DLGAP4: variants seen among roughly 807,000 people sequenced by gnomAD.
The protein encoded by DLGAP4 is disks large-associated protein 4.
DLGAP4 carries 18 observed loss-of-function variants against 86.9 expected under a neutral mutation model. The ratio of observed to expected loss-of-function variants is 0.21; its 90% CI spans 0.14 to 0.31. The LOEUF (loss-of-function observed/expected upper bound fraction) is 0.31. Among genes scored for constraint, DLGAP4 ranks in the 10% least tolerant of loss-of-function variants. The probability of loss-of-function intolerance (pLI) is 1.00; values close to 1 mark genes in which losing one functional copy is unlikely to be tolerated. For synonymous variants in DLGAP4, 548 were observed against 574.3 expected, an observed-to-expected ratio of 0.95 and a Z score of 0.65; for missense variants, 1,085 against 1,362.6, an observed-to-expected ratio of 0.80 and a Z score of 3.21.
chr20:36,326,234 C>G (rs2065214634), intron 1 of DLGAP4, among the ~76,000 whole-genome samples: 1 of 152,262 alleles, frequency 6.6e-6, no homozygotes, highest in Admixed American at 6.5e-5. Context: ...CCAGATTCAC[C>G]CCAGGTTTAA....
chr20:36,311,938 G>A lies in DLGAP4; in HGVS notation c.-304+5426G>A, dbSNP rs1033704955. ...AAGCGTTGGGTGGGGAGGGAATCAAGTGGAGCAGACCCAGTTCCTGGCTTT... is the reference window on the plus strand; with the variant it reads ...AAGCGTTGGGTGGGGAGGGAATCAAATGGAGCAGACCCAGTTCCTGGCTTT... On this transcript the variant is annotated intron_variant, in intron 1 of 12. Transcript: ENST00000339266. Among the ~76,000 whole-genome samples, 7 of 152,354 alleles carry A rather than the reference G, an allele frequency of 4.6e-5. No homozygotes were observed. In the South Asian group the frequency reaches 1.5e-3, roughly 32 times the overall value.
rs1472583642 is a variant in DLGAP4, at chr20:36,528,455, C to CG, written c.*1425dup. On this transcript the variant is annotated 3_prime_UTR_variant, in exon 13 of 13. Coordinates refer to ENST00000339266, the MANE Select transcript of DLGAP4 (RefSeq NM_001365621.2). The stretch of plus-strand genomic sequence containing the variant: ...CTTGCTGCAGGGGGGGACCCCCCCC[C>CG]GTCCCCAGGTGAACCAAGGGTCTGC... 5 of 152,654 alleles carry CG rather than the reference C, an allele frequency of 3.3e-5. No homozygotes were observed. The highest frequency in any genetic ancestry group is 7.3e-5 in the African/African-American group (3 of 41,376). The allele number at this position is 152,654 out of a possible 1,614,324, so 9.5% of individuals were successfully genotyped here.
intron 11 of DLGAP4, among the ~76,000 whole-genome samples, chr20:36,525,191 T>TG (rs959314236): frequency 3.6e-5 from 4 of 111,088 alleles, no homozygotes; most frequent in Non-Finnish European, 6.7e-5. Flanking sequence ...GCATCCAGCC[T>TG]GGGTGACAGA....
chr20:36,486,365 T>C (rs569237299), intron 7 of DLGAP4, among the ~76,000 whole-genome samples: 1 of 152,252 alleles, frequency 6.6e-6, no homozygotes, highest in South Asian at 2.1e-4. Context: ...AGGGAGGCCC[T>C]CACTGAAGAC....
intron 1 of DLGAP4, among the ~76,000 whole-genome samples, chr20:36,365,399 G>A (rs183059891): frequency 2.8e-4 from 42 of 152,360 alleles, no homozygotes; most frequent in African/African-American, 1.0e-3. Context: ...ATGCATCTTC[G>A]AGAATTTGTG....
chr20:36,522,331 G>T (rs763627733), intron 10 of DLGAP4, among the ~76,000 whole-genome samples: 1 of 151,848 alleles, frequency 6.6e-6, no homozygotes, highest in Non-Finnish European at 1.5e-5. Context: ...GCTAATTTTT[G>T]AATTTTTTCA....
chr20:36,354,811 G>A lies in DLGAP4; in HGVS notation c.-303-12234G>A, dbSNP rs1043004894. The stretch of plus-strand genomic sequence containing the variant: ...AAAAAAATTGGCCAGGCGTGGTGGC[G>A]TGTGCCTGTAGTCCCAGCTACTCAG... On this transcript the variant is annotated intron_variant, in intron 1 of 12. Coordinates refer to ENST00000339266, the MANE Select transcript of DLGAP4 (RefSeq NM_001365621.2). Among the ~76,000 whole-genome samples, 15 of 152,056 alleles carry A rather than the reference G, an allele frequency of 9.9e-5. 1 individual carries two copies. Among genetic ancestry groups the A allele is most frequent in the Admixed American group, 2.0e-4 (3 of 15,272 alleles).
chr20:36,466,919 G>GCTCTTGCTCTCTCTCTCTCT (rs2034381675), intron 7 of DLGAP4, among the ~76,000 whole-genome samples: 2 of 140,308 alleles, frequency 1.4e-5, no homozygotes, highest in Non-Finnish European at 3.1e-5. Context: ...CGAGTCTCTC[G>GCTCTTGCTCTCTCTCTCTCT]CTCTTGCTCT....
chr20:36,512,434 C>G (rs576042478), intron 10 of DLGAP4, among the ~76,000 whole-genome samples: 3 of 152,278 alleles, frequency 2.0e-5, no homozygotes, highest in African/African-American at 7.2e-5. Context: ...GTCCATATCT[C>G]TACCTTGTCC....
rs574756799 is a variant in DLGAP4 at position 36,308,885 on chromosome 20, GT to G, written c.-304+2382del. On this transcript the variant is annotated intron_variant, in intron 1 of 12. Transcript: ENST00000339266. This position sits in a 1 kb window ranked among gnomAD's most constrained non-coding sequence, Gnocchi z 4.5. ...GAATTAATAAAATCTTGAATGCAGG[GT>G]TTTTTTTTATAGAAAGTACACAGTA... Among the ~76,000 whole-genome samples the G allele has an allele frequency of 2.6e-5, 4 of 151,426 alleles. No individual in the cohort carries two copies. The highest frequency in any genetic ancestry group is 1.9e-4 in the East Asian group (1 of 5,162).
intron 2 of DLGAP4, among the ~76,000 whole-genome samples, chr20:36,392,222 GAGGAGCA>G (rs1476690291): frequency 6.6e-6 from 1 of 152,196 alleles, no homozygotes; most frequent in Non-Finnish European, 1.5e-5. Context: ...AGAGACAGGA[GAGGAGCA>G]AGTGTGTCAG....
intron 1 of DLGAP4, among the ~76,000 whole-genome samples, chr20:36,344,116 T>C (rs1185723434): frequency 1.3e-5 from 2 of 152,136 alleles, no homozygotes; most frequent in African/African-American, 4.8e-5. Flanking sequence ...CCCTCTCTGG[T>C]CCTCACTTCC....
At chr20:36,409,295 A>G (rs1308313191) in intron 2 of DLGAP4, among the ~76,000 whole-genome samples, 2 of 151,912 alleles carry the variant, frequency 1.3e-5, no homozygotes, top group Non-Finnish European at 2.9e-5. Flanking sequence ...CAGCCTCCCA[A>G]AGTGCTGGGA....
intron 2 of DLGAP4, among the ~76,000 whole-genome samples, chr20:36,392,370 T>C (rs1274438852): frequency 1.3e-5 from 2 of 152,110 alleles, no homozygotes; most frequent in African/African-American, 4.8e-5. Context: ...TTTGTTTGCT[T>C]GTTTTGGGGG....
chr20:36,510,288 G>A (rs1003773695), intron 10 of DLGAP4, among the ~76,000 whole-genome samples: 5 of 150,468 alleles, frequency 3.3e-5, no homozygotes, highest in African/African-American at 9.8e-5. Context: ...TTTTTTTGGC[G>A]AGTCTCACTC....
intron 7 of DLGAP4, among the ~76,000 whole-genome samples, chr20:36,475,824 G>C (rs2034886453): frequency 6.6e-6 from 1 of 152,078 alleles, no homozygotes. Context: ...CCGCTCACTA[G>C]TCCATTTTTA....
intron 12 of DLGAP4, chr20:36,526,227 C>A: frequency 1.5e-6 from 1 of 650,854 alleles, no homozygotes; most frequent in Non-Finnish European, 2.7e-6. Flanking sequence ...TCCTGCCCTG[C>A]ATGTCCAGAA....
chr20:36,398,860 C>T (rs1479393209), intron 2 of DLGAP4, among the ~76,000 whole-genome samples: 1 of 152,152 alleles, frequency 6.6e-6, no homozygotes, highest in Non-Finnish European at 1.5e-5. Flanking sequence ...TGGAGAATAA[C>T]GTGTGGCTGG....
intron 1 of DLGAP4, among the ~76,000 whole-genome samples, chr20:36,325,473 A>T (rs2065207017): frequency 6.6e-6 from 1 of 152,066 alleles, no homozygotes; most frequent in Non-Finnish European, 1.5e-5. Flanking sequence ...TTGGTTGATA[A>T]TTTTCAAATC....
Sources: gnomAD v4.1 joint callset for allele counts (sites outside exome capture counted in the v4.1 genomes callset) on GRCh38, gnomAD v4.1.1 for gene constraint, Gnocchi (gnomAD v3.1) non-coding constraint, MANE v1.5 for transcripts, NCBI Gene and HGNC (gene_info 2026-07-23, HGNC 2026-07-21) for gene names.